Variants in STK4 observed in about 807,000 individuals in gnomAD.
STK4 encodes the protein serine/threonine kinase 4.
STK4 carries 30 observed loss-of-function variants against 64.9 expected under a neutral mutation model. The ratio of observed to expected loss-of-function variants is 0.46; its 90% CI spans 0.35 to 0.63. The LOEUF is 0.63. Ranked by LOEUF, STK4 falls within the 20% of genes least tolerant of loss-of-function variation. STK4 has a pLI of 0.01. For synonymous variants in STK4, 177 were observed against 199.0 expected (o/e 0.89, Z 0.93); for missense variants, 466 against 598.5 (o/e 0.78, Z 2.31).
intron 5 of STK4, among the ~76,000 whole-genome samples, chr20:44,988,521 A>ATGTG (rs1355396060): frequency 2.4e-5 from 2 of 83,144 alleles, no homozygotes; most frequent in African/African-American, 1.2e-4. Context: ...GTGTGTATAT[A>ATGTG]TATGTGTGTG....
intron 1 of STK4, among the ~76,000 whole-genome samples, 190 bp downstream of exon 1, chr20:44,966,793 A>G (rs2145618904): frequency 6.6e-6 from 1 of 152,230 alleles, no homozygotes; most frequent in South Asian, 2.1e-4. Flanking sequence ...TAAGGAGGTT[A>G]GACTTGGGAC....
intron 10 of STK4, among the ~76,000 whole-genome samples, chr20:45,067,290 G>T (rs1291289963): frequency 2.0e-5 from 3 of 152,132 alleles, no homozygotes; most frequent in Non-Finnish European, 2.9e-5. Context: ...CCTGAGACGG[G>T]ATCAGTCTGA....
intron 9 of STK4, among the ~76,000 whole-genome samples, chr20:45,002,846 G>A (rs2067865301): frequency 6.6e-6 from 1 of 151,774 alleles, no homozygotes; most frequent in Admixed American, 6.6e-5. Flanking sequence ...GGTAATGCAG[G>A]CTTCAAAGTC....
At chr20:45,059,988 A>T (rs1463959501) in intron 10 of STK4, among the ~76,000 whole-genome samples, 1 of 152,248 alleles carries the variant, frequency 6.6e-6, no homozygotes, top group Non-Finnish European at 1.5e-5. Context: ...TCATTTTCAA[A>T]CAAAGGCTTA....
At chr20:45,024,870 C>T in intron 9 of STK4, 103 bp from the exon 10 acceptor site, 1 of 1,152,938 alleles carries the variant, frequency 8.7e-7, no homozygotes, top group South Asian at 2.8e-5. Flanking sequence ...CAGAAATATC[C>T]ACTGATCCAG....
At position 45,023,639 on chromosome 20, in the gene STK4, G is replaced by A. The variant is rs578014103; in HGVS notation, c.1148-1334G>A. ...TCAACCTTTGAAACAGGTACATTCA[G>A]CTAGTTTGATTTTTAAATCATGCCA... On this transcript the variant is annotated intron_variant, in intron 9 of 10. Coordinates refer to ENST00000372806, the MANE Select transcript of STK4 (RefSeq NM_006282.5). 2.0e-5 allele frequency among the ~76,000 whole-genome samples: 3 copies of A among 152,254 alleles called. No homozygotes were observed. The South Asian group carries it at 6.2e-4, about 32-fold the overall frequency.
chr20:45,026,617 G>A (rs2068352994), intron 10 of STK4, among the ~76,000 whole-genome samples: 1 of 152,078 alleles, frequency 6.6e-6, no homozygotes, highest in South Asian at 2.1e-4. Flanking sequence ...GTAATAAAAA[G>A]GACTTTAGCT....
chr20:44,981,837 T>C lies in STK4; in HGVS notation c.254T>C (p.Val85Ala), dbSNP rs1408559557. The change falls in exon 4 of 11, where the codon GTA becomes GCA. Residue 85 changes from valine (V) to alanine (A), a missense_variant. Physicochemically the swap from Val to Ala is moderately conservative, Grantham distance 64 (BLOSUM62 0). Around this residue, in one of 2 missense-constraint regions of STK4, gnomAD observed 190 missense variants for 289.7 expected, o/e 0.66. Transcript: ENST00000372806. ...TGTCTCTCTCTCTCTAGCCCTCATG[T>C]AGTCAAATATTATGGCAGTTATTTT... ...SIMQQCDSPH[V>A]VKYYGSYFKN... is the part of the protein sequence containing the mutation. 2 of 1,605,202 alleles carry C rather than the reference T, an allele frequency of 1.2e-6. No homozygotes were observed. Among genetic ancestry groups the C allele is most frequent in the South Asian group, 1.1e-5 (1 of 90,894 alleles).
chr20:45,009,316 T>C (rs556670558), intron 9 of STK4, among the ~76,000 whole-genome samples: 95 of 152,330 alleles, frequency 6.2e-4, no homozygotes, highest in African/African-American at 2.2e-3. Flanking sequence ...TGCTTGTTTT[T>C]GTTGGCCTTG....
At chr20:45,074,420 C>T (rs928113142) in intron 10 of STK4, among the ~76,000 whole-genome samples, 7 of 152,130 alleles carry the variant, frequency 4.6e-5, no homozygotes, top group Admixed American at 2.6e-4. Context: ...CCAAGGGTTG[C>T]GTCTGTATTC....
intron 2 of STK4, among the ~76,000 whole-genome samples, 162 bp from the exon 3 acceptor site, chr20:44,978,281 G>C (rs1215054520): frequency 6.6e-6 from 1 of 152,168 alleles, no homozygotes; most frequent in African/African-American, 2.4e-5. Context: ...TCTCTTGACA[G>C]TTTTTTCCCC....
chr20:45,043,808 A>G (rs1259400562), intron 10 of STK4, among the ~76,000 whole-genome samples: 1 of 152,212 alleles, frequency 6.6e-6, no homozygotes, highest in East Asian at 1.9e-4. Context: ...GTTAAGGGAT[A>G]CTTCACCTGT....
intron 9 of STK4, among the ~76,000 whole-genome samples, chr20:45,014,396 A>G (rs1374253255): frequency 6.6e-6 from 1 of 152,192 alleles, no homozygotes; most frequent in Non-Finnish European, 1.5e-5. Flanking sequence ...ACTACACTCC[A>G]GCCTGGGTGA....
intron 9 of STK4, among the ~76,000 whole-genome samples, chr20:45,009,263 G>A (rs2068003330): frequency 1.3e-5 from 2 of 152,188 alleles, no homozygotes. Flanking sequence ...TGGCTAGTCA[G>A]TTATGCCAGT....
chr20:45,024,316 T>C (rs1366627799), intron 9 of STK4, among the ~76,000 whole-genome samples: 4 of 152,014 alleles, frequency 2.6e-5, no homozygotes, highest in Non-Finnish European at 5.9e-5. Flanking sequence ...TTTTTTTTTT[T>C]CCTATATGTA....
chr20:45,000,558 T>C, intron 8 of STK4, 38 bp downstream of exon 8: 1 of 1,612,072 alleles, frequency 6.2e-7, no homozygotes, highest in Non-Finnish European at 8.5e-7. Context: ...CAGACATTGA[T>C]GCTTGTTATT....
At position 45,078,669 on chromosome 20, in the gene STK4, G is replaced by A. The variant is rs1427143724; in HGVS notation, c.*3493G>A. Reference sequence around the variant, plus strand: ...GAAGGGTAGGAGGATGCATGGATGAGTGGATGAGTGGATCGATGGATGTAT... The same window carrying A: ...GAAGGGTAGGAGGATGCATGGATGAATGGATGAGTGGATCGATGGATGTAT... On this transcript the variant is annotated 3_prime_UTR_variant, in exon 11 of 11. Transcript: ENST00000372806. 1 of 151,824 alleles carries A rather than the reference G, an allele frequency of 6.6e-6. No individual in the cohort carries two copies. The highest frequency in any genetic ancestry group is 1.5e-5 in the Non-Finnish European group (1 of 67,972). 9.4% of individuals were successfully genotyped at this position (151,824 alleles called of 1,614,324 possible).
chr20:45,010,672 T>G (rs1407381984), intron 9 of STK4, among the ~76,000 whole-genome samples: 1 of 152,276 alleles, frequency 6.6e-6, no homozygotes, highest in East Asian at 1.9e-4. Context: ...TTCTGAATCA[T>G]TAGATTATAC....
At chr20:44,988,533 G>GTGTGTGTGTGTATATATATA (rs1221720136) in intron 5 of STK4, among the ~76,000 whole-genome samples, 7 of 101,584 alleles carry the variant, frequency 6.9e-5, no homozygotes, top group African/African-American at 3.3e-4. Context: ...ATGTGTGTGT[G>GTGTGTGTGTGTATATATATA]TATATATATA....
Sources: allele counts gnomAD v4.1 joint callset (sites outside exome capture counted in the v4.1 genomes callset), GRCh38; gene constraint gnomAD v4.1.1; regional missense constraint gnomAD v4.1.1; transcripts MANE v1.5; gene names NCBI Gene and HGNC (gene_info 2026-07-23, HGNC 2026-07-21).